Variants in CNTNAP2 observed in about 807,000 individuals in gnomAD.
CNTNAP2 encodes contactin-associated protein-like 2.
A neutral mutation model predicts 155.2 loss-of-function variants in CNTNAP2; 98 were observed. The observed-to-expected ratio is 0.63, with a 90% CI of 0.54 to 0.75. CNTNAP2 has a LOEUF of 0.75. CNTNAP2 is among the 30% of genes least tolerant of loss of function. The probability of loss-of-function intolerance (pLI) is 0.00; values close to 1 mark genes in which losing one functional copy is unlikely to be tolerated. For missense variants in CNTNAP2, 1,727 were observed against 1,688.1 expected (o/e 1.02, Z -0.40); for synonymous variants, 651 against 631.2 (o/e 1.03, Z -0.47).
rs185700753 is a variant in CNTNAP2, at chr7:146,978,210, C to A, written c.403-65697C>A. Among the ~76,000 whole-genome samples the A allele has an allele frequency of 5.9e-4, 90 of 152,198 alleles. 1 individual carries two copies. Among genetic ancestry groups the A allele is most frequent in the African/African-American group, 2.0e-3 (83 of 41,536 alleles). On this transcript the variant is annotated intron_variant, in intron 3 of 23. Transcript: ENST00000361727. ...TTTGACTATTTAAAAATTCAACTACCTTTGCAAAATCAAAACAGATCTGTT... is the reference window on the plus strand; with the variant it reads ...TTTGACTATTTAAAAATTCAACTACATTTGCAAAATCAAAACAGATCTGTT...
At position 148,415,911 on chromosome 7, in the gene CNTNAP2, G is replaced by GT. The variant is rs1799977210; in HGVS notation, c.*296dup. On this transcript the variant is annotated 3_prime_UTR_variant, in exon 24 of 24. Coordinates refer to ENST00000361727, the MANE Select transcript of CNTNAP2 (RefSeq NM_014141.6). ...TTGTAGGTACTATCTGTCTTATTTT[G>GT]TGTGTGTTTAGAGGTGTTCTAAAGA... 2.0e-6 allele frequency: 1 copy of GT among 502,546 alleles called. No homozygotes were observed. The highest frequency in any genetic ancestry group is 3.4e-5 in the Admixed American group (1 of 28,990). 31.1% of individuals were successfully genotyped at this position (502,546 alleles called of 1,614,324 possible).
At chr7:146,935,627 A>G (rs1436163075) in intron 3 of CNTNAP2, among the ~76,000 whole-genome samples, 1 of 152,218 alleles carries the variant, frequency 6.6e-6, no homozygotes, top group Non-Finnish European at 1.5e-5. Flanking sequence ...AAAGGCTATA[A>G]TTACACAGCA....
chr7:146,354,232 C>G (rs965017117), intron 1 of CNTNAP2, among the ~76,000 whole-genome samples: 1 of 151,390 alleles, frequency 6.6e-6, no homozygotes, highest in Non-Finnish European at 1.5e-5. Flanking sequence ...GCTTTAGATT[C>G]TAAATGCGTA....
chr7:147,313,695 G>A (rs969047639), intron 9 of CNTNAP2, among the ~76,000 whole-genome samples: 31 of 152,216 alleles, frequency 2.0e-4, no homozygotes, highest in East Asian at 1.4e-3. Context: ...GTCAGGTAGC[G>A]TGATGCCTCC....
At chr7:147,045,997 T>C (rs1799349962) in intron 4 of CNTNAP2, among the ~76,000 whole-genome samples, 1 of 152,124 alleles carries the variant, frequency 6.6e-6, no homozygotes, top group Non-Finnish European at 1.5e-5. Context: ...ATTACCACAG[T>C]AGATGAGAAA....
At chr7:147,790,716 A>G (rs75517517) in intron 13 of CNTNAP2, among the ~76,000 whole-genome samples, 7,253 of 152,250 alleles carry the variant, frequency 0.048, 513 homozygotes, top group African/African-American at 0.16. Context: ...GGTTGACTGT[A>G]GTTTACTATT....
intron 13 of CNTNAP2, among the ~76,000 whole-genome samples, chr7:147,733,559 G>T (rs1235070113): frequency 6.6e-6 from 1 of 152,200 alleles, no homozygotes; most frequent in Non-Finnish European, 1.5e-5. Flanking sequence ...TGTGAAGAAA[G>T]TCATTGGTTG....
intron 15 of CNTNAP2, among the ~76,000 whole-genome samples, chr7:147,996,130 G>A (rs943424968): frequency 6.6e-6 from 1 of 152,216 alleles, no homozygotes; most frequent in Non-Finnish European, 1.5e-5. Context: ...CCTTGCAGAT[G>A]TGGATCTGCA....
rs60522775 is a variant in CNTNAP2 at position 147,870,845 on chromosome 7, G to A, written c.2099-32720G>A. Among the ~76,000 whole-genome samples, 1,403 of 152,154 alleles carry A rather than the reference G, an allele frequency of 9.2e-3. 25 individuals are homozygous for A. Among genetic ancestry groups the A allele is most frequent in the African/African-American group, 0.032 (1,322 of 41,514 alleles). On this transcript the variant is annotated intron_variant, in intron 13 of 23. Transcript: ENST00000361727. ...CCCTAGGAGAGACATTGTGGATGGCGAGGGGATACAAATTCTGGCTTACCT... is the reference window on the plus strand; with the variant it reads ...CCCTAGGAGAGACATTGTGGATGGCAAGGGGATACAAATTCTGGCTTACCT...
intron 1 of CNTNAP2, among the ~76,000 whole-genome samples, chr7:146,168,921 C>G (rs571463815): frequency 6.6e-6 from 1 of 152,252 alleles, no homozygotes; most frequent in Admixed American, 6.5e-5. Context: ...AAAATGCCTA[C>G]ATTACCTCTT....
intron 6 of CNTNAP2, chr7:147,122,710 A>G (rs779034094): frequency 6.6e-6 from 1 of 152,194 alleles, no homozygotes; most frequent in African/African-American, 2.4e-5. Flanking sequence ...ACCTTAAGCT[A>G]GAGTTTCACA....
chr7:147,590,233 T>G (rs1313818304), intron 12 of CNTNAP2, among the ~76,000 whole-genome samples: 5 of 152,182 alleles, frequency 3.3e-5, no homozygotes, highest in Non-Finnish European at 7.3e-5. Context: ...AAAAAATTAT[T>G]GATAGCCTGT....
intron 9 of CNTNAP2, among the ~76,000 whole-genome samples, chr7:147,341,690 T>C (rs978043025): frequency 1.1e-4 from 13 of 122,018 alleles, no homozygotes; most frequent in African/African-American, 3.5e-4. Context: ...TATCATCTGA[T>C]GATTTTTTTT....
At chr7:146,928,788 C>T (rs562372103) in intron 3 of CNTNAP2, among the ~76,000 whole-genome samples, 137 of 152,290 alleles carry the variant, frequency 9.0e-4, no homozygotes, top group Non-Finnish European at 1.7e-3. Flanking sequence ...GATTATATCC[C>T]GCACCTGGCT....
At chr7:146,707,630 C>A (rs986265279) in intron 1 of CNTNAP2, among the ~76,000 whole-genome samples, 1 of 152,090 alleles carries the variant, frequency 6.6e-6, no homozygotes, top group Non-Finnish European at 1.5e-5. Flanking sequence ...TCAGAAGGGC[C>A]TTGCTCTTTA....
intron 15 of CNTNAP2, among the ~76,000 whole-genome samples, chr7:148,001,182 G>A (rs760744476): frequency 1.9e-4 from 29 of 152,172 alleles, no homozygotes; most frequent in Non-Finnish European, 4.0e-4. Flanking sequence ...TGGGAATGGG[G>A]AATGATATTC....
chr7:147,839,286 C>T (rs1035282518), intron 13 of CNTNAP2, among the ~76,000 whole-genome samples: 2 of 152,168 alleles, frequency 1.3e-5, no homozygotes, highest in East Asian at 3.9e-4. Flanking sequence ...CCAGGAACAA[C>T]ACTTTGCATC....
In CNTNAP2 at chr7:146,786,331, G is replaced by A. The variant is rs117602449; in HGVS notation, c.208+11950G>A. On this transcript the variant is annotated intron_variant, in intron 2 of 23. Coordinates refer to ENST00000361727, the MANE Select transcript of CNTNAP2 (RefSeq NM_014141.6). ...CTAATAATGACTCTGTTAGCAACCG[G>A]CTCAGGTCATACTTATTAAAATGAA... Among the ~76,000 whole-genome samples, 107 of 152,146 alleles carry A rather than the reference G, an allele frequency of 7.0e-4. 1 individual carries two copies. In the East Asian group the frequency reaches 0.02, roughly 28 times the overall value.
At chr7:146,251,178 C>G (rs960789146) in intron 1 of CNTNAP2, among the ~76,000 whole-genome samples, 14 of 152,088 alleles carry the variant, frequency 9.2e-5, no homozygotes, top group Non-Finnish European at 1.6e-4. Flanking sequence ...TAGACAAAGG[C>G]ATACAACTTT....
Sources: allele counts gnomAD v4.1 joint callset (sites outside exome capture counted in the v4.1 genomes callset), GRCh38; gene constraint gnomAD v4.1.1; transcripts MANE v1.5; gene names NCBI Gene and HGNC (gene_info 2026-07-23, HGNC 2026-07-21).